Variants in DMD observed in about 807,000 individuals in gnomAD.
The protein encoded by DMD is dystrophin.
DMD carries 63 observed loss-of-function variants against 330.1 expected under a neutral mutation model. The ratio of observed to expected loss-of-function variants is 0.19; its 90% confidence interval spans 0.16 to 0.24. The LOEUF is 0.24. Among genes scored for constraint, DMD ranks in the 10% least tolerant of loss-of-function variants. The pLI is 1.00. For missense variants in DMD, 3,344 were observed against 2,684.1 expected, an observed-to-expected ratio of 1.25 and a Z score of -5.43; for synonymous variants, 1,223 against 959.8, an observed-to-expected ratio of 1.27 and a Z score of -5.07.
intron 2 of DMD, among the ~76,000 whole-genome samples, chrX:32,909,250 T>G (rs1284466696): frequency 6.4e-5 from 7 of 110,187 alleles, no homozygotes; most frequent in Non-Finnish European, 1.3e-4. Context: ...TAAAGAATAG[T>G]TCACTGCTAT....
At chrX:31,134,485 C>T (rs1227510849) in intron 76 of DMD, among the ~76,000 whole-genome samples, 8 of 104,713 alleles carry the variant, frequency 7.6e-5, no homozygotes, top group Non-Finnish European at 1.6e-4. Flanking sequence ...TGCAGTGGCA[C>T]GATCTTGGCT....
chrX:31,526,459 T>A (rs1002601640), intron 55 of DMD, among the ~76,000 whole-genome samples: 3 of 112,147 alleles, frequency 2.7e-5, no homozygotes, highest in Non-Finnish European at 5.6e-5. Flanking sequence ...AATAGTCATA[T>A]ACATGTCTCA....
intron 77 of DMD, 167 bp from the exon 78 acceptor site, chrX:31,126,840 CAA>C: frequency 2.2e-6 from 1 of 448,901 alleles, no homozygotes; most frequent in Non-Finnish European, 3.9e-6. Flanking sequence ...ACAAAAAACC[CAA>C]AAGACACATC....
chrX:32,615,683 G>A (rs1403837731), intron 11 of DMD, among the ~76,000 whole-genome samples: 1 of 111,207 alleles, frequency 9.0e-6, no homozygotes, highest in Non-Finnish European at 1.9e-5. Context: ...CACACAAAGT[G>A]CACACATAGC....
At chrX:31,769,354 T>A (rs1307244937) in intron 51 of DMD, among the ~76,000 whole-genome samples, 3 of 112,586 alleles carry the variant, frequency 2.7e-5, no homozygotes, top group Non-Finnish European at 3.8e-5. Context: ...TGCATTCACA[T>A]TATCCATCAA....
At chrX:31,808,050 G>A (rs776055153) in intron 50 of DMD, among the ~76,000 whole-genome samples, 1 of 111,787 alleles carries the variant, frequency 8.9e-6, no homozygotes, top group Non-Finnish European at 1.9e-5. Context: ...AAGAATACTT[G>A]GCAAAATGCC....
At chrX:32,454,859 C>T (rs774578083) in intron 25 of DMD, 27 bp from the exon 26 acceptor site, 13 of 1,195,694 alleles carry the variant, frequency 1.1e-5, no homozygotes, top group Non-Finnish European at 1.5e-5. Flanking sequence ...AAACAAAACA[C>T]GATTATTGAC....
intron 20 of DMD, among the ~76,000 whole-genome samples, chrX:32,487,266 T>C (rs1286764840): frequency 8.9e-6 from 1 of 112,209 alleles, no homozygotes; most frequent in African/African-American, 3.2e-5. Flanking sequence ...ATTTAATACA[T>C]ATATAATTTG....
At chrX:33,181,080 T>C (rs976289012) in intron 1 of DMD, among the ~76,000 whole-genome samples, 1 of 110,932 alleles carries the variant, frequency 9.0e-6, no homozygotes, top group Non-Finnish European at 1.9e-5. Flanking sequence ...TGTATGTATG[T>C]ATATTTTGGT....
intron 16 of DMD, among the ~76,000 whole-genome samples, chrX:32,547,882 C>A (rs2049134524): frequency 9.0e-6 from 1 of 111,374 alleles, no homozygotes; most frequent in East Asian, 2.8e-4. Context: ...AAGACTTCCT[C>A]TTGTTAAAAC....
intron 48 of DMD, among the ~76,000 whole-genome samples, chrX:31,858,748 C>G (rs1270205485): frequency 9.1e-6 from 1 of 110,307 alleles, no homozygotes; most frequent in Non-Finnish European, 1.9e-5. Context: ...GTCTTTTTCT[C>G]CCCATTGGGA....
chrX:33,246,538 T>C lies in DMD; in HGVS notation c.7+92721A>G, dbSNP rs2052665492. ...GATAGTGAATTCTGTTACTTGACAA[T>C]TTAGGACACTGATGAACAGAATAAA... is the stretch of plus-strand genomic sequence containing the variant. On this transcript the variant is annotated intron_variant, in intron 1 of 17. Coordinates refer to the DMD transcript ENST00000288447. Among the ~76,000 whole-genome samples the C allele has an allele frequency of 5.4e-5, 6 of 111,859 alleles. No homozygotes were observed. In the Admixed American group the frequency reaches 5.7e-4, roughly 11 times the overall value.
At chrX:31,445,161 A>G (rs1353719039) in intron 59 of DMD, among the ~76,000 whole-genome samples, 1 of 112,136 alleles carries the variant, frequency 8.9e-6, no homozygotes, top group African/African-American at 3.2e-5. Context: ...AATGATAACT[A>G]CTATTTGTTG....
chrX:31,643,005 C>T (rs1326622288), intron 54 of DMD, among the ~76,000 whole-genome samples: 2 of 111,573 alleles, frequency 1.8e-5, no homozygotes, highest in Non-Finnish European at 3.8e-5. Context: ...ATCATTAGTT[C>T]CCCCAAGTAC....
chrX:32,580,765 C>G (rs1601860522), intron 13 of DMD, among the ~76,000 whole-genome samples: 2 of 111,570 alleles, frequency 1.8e-5, no homozygotes, highest in Middle Eastern at 4.7e-3. Context: ...ATGTTTTATA[C>G]AAGAATTGAA....
Position 32,830,853 on chromosome X carries a change from C to T in DMD, c.265-7466G>A, listed in dbSNP as rs1320782875. On this transcript the variant is annotated intron_variant, in intron 4 of 78. Transcript: ENST00000357033. ...ACATAATGGAAACTTATTGTGACTCCAGTAGAATATTAAAATGTGAACTCT... is the reference window on the plus strand; with the variant it reads ...ACATAATGGAAACTTATTGTGACTCTAGTAGAATATTAAAATGTGAACTCT... Among the ~76,000 whole-genome samples the T allele has an allele frequency of 3.6e-5, 4 of 110,760 alleles. No homozygotes were observed. The East Asian group carries it at 1.1e-3, about 31-fold the overall frequency.
intron 52 of DMD, among the ~76,000 whole-genome samples, chrX:31,683,953 G>A (rs1291749116): frequency 1.8e-5 from 2 of 111,320 alleles, no homozygotes; most frequent in African/African-American, 6.5e-5. Flanking sequence ...TTTTTCTATT[G>A]CTGCAATTAT....
At chrX:31,496,196 C>A (rs1360457641) in intron 57 of DMD, among the ~76,000 whole-genome samples, 1 of 111,613 alleles carries the variant, frequency 9.0e-6, no homozygotes, top group Non-Finnish European at 1.9e-5. Flanking sequence ...AGGTGTGGGT[C>A]TGATTTCAAT....
At chrX:31,683,004 T>C (rs182686088) in intron 52 of DMD, among the ~76,000 whole-genome samples, 256 of 112,174 alleles carry the variant, frequency 2.3e-3, no homozygotes, top group African/African-American at 7.7e-3. Flanking sequence ...AACATGGGAT[T>C]TGAATGCTTG....
Sources: allele counts gnomAD v4.1 joint callset (sites outside exome capture counted in the v4.1 genomes callset), GRCh38; gene constraint gnomAD v4.1.1; transcripts MANE v1.5; gene names NCBI Gene and HGNC (gene_info 2026-07-23, HGNC 2026-07-21).